The following NRG3 variants were observed in gnomAD, a reference collection of about 807,000 sequenced individuals.
NRG3 encodes neuregulin 3.
A neutral mutation model predicts 66.9 loss-of-function variants in NRG3; 31 were observed. That is an observed-to-expected ratio of 0.46 (90% CI 0.35 to 0.63). The LOEUF (loss-of-function observed/expected upper bound fraction) is 0.63. Among genes scored for constraint, NRG3 ranks in the 20% least tolerant of loss-of-function variants. The pLI is 0.00. For synonymous variants in NRG3, 393 were observed against 359.4 expected, an observed-to-expected ratio of 1.09 and a Z score of -1.06; for missense variants, 910 against 878.9, an observed-to-expected ratio of 1.04 and a Z score of -0.45.
intron 2 of NRG3, among the ~76,000 whole-genome samples, chr10:82,619,768 G>T (rs2048915459): frequency 6.6e-6 from 1 of 152,092 alleles, no homozygotes; most frequent in African/African-American, 2.4e-5. Context: ...GACACAGACA[G>T]ACATAGAGGA....
intron 1 of NRG3, among the ~76,000 whole-genome samples, chr10:82,163,275 G>A (rs552887552): frequency 4.6e-4 from 70 of 152,144 alleles, no homozygotes; most frequent in African/African-American, 1.5e-3. Context: ...ACTTAATCAG[G>A]TTCTCAAGGA....
chr10:82,488,795 A>G (rs1011870479), intron 2 of NRG3, among the ~76,000 whole-genome samples: 5 of 152,198 alleles, frequency 3.3e-5, no homozygotes, highest in African/African-American at 9.7e-5. Flanking sequence ...ATTTAATACC[A>G]TATTCTGTAT....
intron 3 of NRG3, among the ~76,000 whole-genome samples, chr10:82,862,251 T>C (rs533409049): frequency 5.3e-4 from 80 of 152,242 alleles, no homozygotes; most frequent in Non-Finnish European, 3.4e-4. Flanking sequence ...AGAACAAAAG[T>C]CTGTTATTCC....
chr10:82,299,774 A>C (rs943072015), intron 1 of NRG3, among the ~76,000 whole-genome samples: 1 of 152,170 alleles, frequency 6.6e-6, no homozygotes, highest in Non-Finnish European at 1.5e-5. Flanking sequence ...GGCAAAAATT[A>C]TCAAAACCAC....
chr10:81,876,234 C>G, intron 1 of NRG3, 71 bp downstream of exon 1: 1 of 1,492,270 alleles, frequency 6.7e-7, no homozygotes, highest in African/African-American at 1.4e-5. Flanking sequence ...TGTCTTTTTC[C>G]CTCGCCGCCT....
At chr10:82,902,451 A>G (rs561271995) in intron 4 of NRG3, among the ~76,000 whole-genome samples, 38 of 151,964 alleles carry the variant, frequency 2.5e-4, no homozygotes, top group Non-Finnish European at 4.6e-4. Flanking sequence ...CTTTTGTCTC[A>G]GTCAAGGGGT....
Position 81,928,619 on chromosome 10 carries a change from C to A in NRG3, c.823+52456C>A, listed in dbSNP as rs540255809. Among the ~76,000 whole-genome samples, 12 of 152,292 alleles carry A rather than the reference C, an allele frequency of 7.9e-5. No homozygotes were observed. In the East Asian group the frequency reaches 2.3e-3, roughly 29 times the overall value. On this transcript the variant is annotated intron_variant, in intron 1 of 8. Coordinates refer to ENST00000372141, the MANE Select transcript of NRG3 (RefSeq NM_001010848.4). ...ACATGAAACTGCCCTCCCTGCCCTA[C>A]CCTTATGGGTACATGGGTACATTCC...
intron 1 of NRG3, among the ~76,000 whole-genome samples, chr10:82,214,077 C>T (rs965817603): frequency 1.3e-5 from 2 of 152,148 alleles, no homozygotes; most frequent in African/African-American, 2.4e-5. Flanking sequence ...TCTGTTCTGA[C>T]AAAGTGTTTT....
chr10:82,156,719 G>A (rs2071215644), intron 1 of NRG3, among the ~76,000 whole-genome samples: 1 of 151,562 alleles, frequency 6.6e-6, no homozygotes, highest in South Asian at 2.1e-4. Context: ...GAAGATCCAT[G>A]GAGTTTAAGA....
intron 1 of NRG3, among the ~76,000 whole-genome samples, chr10:82,279,272 A>G (rs752373956): frequency 1.8e-4 from 28 of 152,164 alleles, no homozygotes; most frequent in Non-Finnish European, 2.8e-4. Flanking sequence ...GATGAGTGTC[A>G]TTTTGATTCC....
intron 1 of NRG3, among the ~76,000 whole-genome samples, chr10:82,307,396 CAGA>C (rs2080800736): frequency 6.6e-6 from 1 of 152,058 alleles, no homozygotes; most frequent in Non-Finnish European, 1.5e-5. Context: ...GATTAAGAGA[CAGA>C]ATTTGACATG....
intron 1 of NRG3, among the ~76,000 whole-genome samples, chr10:82,189,452 T>C (rs889684006): frequency 2.0e-5 from 3 of 150,868 alleles, no homozygotes; most frequent in African/African-American, 7.3e-5. Flanking sequence ...AGCCCAGGAG[T>C]GCAAACCAGC....
intron 1 of NRG3, among the ~76,000 whole-genome samples, chr10:82,314,163 T>C (rs1206144048): frequency 3.3e-5 from 5 of 152,188 alleles, no homozygotes; most frequent in Non-Finnish European, 5.9e-5. Context: ...ATATTACCTC[T>C]TGTGAATTTT....
At chr10:82,010,782 ACTC>A (rs1253642577) in intron 1 of NRG3, among the ~76,000 whole-genome samples, 1 of 152,116 alleles carries the variant, frequency 6.6e-6, no homozygotes, top group Non-Finnish European at 1.5e-5. Context: ...TAAGCACAGG[ACTC>A]AGGAAGTATT....
intron 1 of NRG3, among the ~76,000 whole-genome samples, chr10:82,208,401 A>G (rs183329639): frequency 6.6e-6 from 1 of 152,314 alleles, no homozygotes; most frequent in East Asian, 1.9e-4. Context: ...ATAATTCTGG[A>G]GCCACTTTAC....
intron 1 of NRG3, among the ~76,000 whole-genome samples, chr10:82,154,240 A>G (rs2071012949): frequency 6.6e-6 from 1 of 151,894 alleles, no homozygotes; most frequent in African/African-American, 2.4e-5. Flanking sequence ...CTTTGAGTTG[A>G]TTTTTGTGTA....
chr10:82,801,374 G>A (rs1303154924), intron 3 of NRG3, among the ~76,000 whole-genome samples: 4 of 152,120 alleles, frequency 2.6e-5, no homozygotes, highest in Non-Finnish European at 5.9e-5. Flanking sequence ...TTCCTTATGT[G>A]TTGGCAAGAT....
At chr10:82,081,188 A>T (rs930204188) in intron 1 of NRG3, among the ~76,000 whole-genome samples, 2 of 152,168 alleles carry the variant, frequency 1.3e-5, no homozygotes, top group Non-Finnish European at 2.9e-5. Context: ...TTAAACCTAG[A>T]TGGGGCTTCT....
chr10:82,543,017 G>A (rs555656199), intron 2 of NRG3, among the ~76,000 whole-genome samples: 75 of 151,628 alleles, frequency 4.9e-4, no homozygotes, highest in African/African-American at 1.8e-3. Context: ...TCAACCTCCC[G>A]AGCAGCTGGG....
Sources: allele counts gnomAD v4.1 joint callset (sites outside exome capture counted in the v4.1 genomes callset), GRCh38; gene constraint gnomAD v4.1.1; transcripts MANE v1.5; gene names NCBI Gene and HGNC (gene_info 2026-07-23, HGNC 2026-07-21).